The following SZT2 variants were observed in gnomAD, a reference collection of about 807,000 sequenced individuals.
SZT2 encodes the protein KICSTOR complex protein SZT2.
SZT2 carries 216 observed loss-of-function variants against 404.2 expected under a neutral mutation model. The ratio of observed to expected loss-of-function variants is 0.53; its 90% CI spans 0.48 to 0.60. The LOEUF (loss-of-function observed/expected upper bound fraction) is 0.60, where lower values mean the gene tolerates loss of function less well. Among genes scored for constraint, SZT2 ranks in the 20% least tolerant of loss-of-function variants. The probability of loss-of-function intolerance (pLI) is 0.00; values close to 1 mark genes in which losing one functional copy is unlikely to be tolerated. For synonymous variants in SZT2, 1,693 were observed against 1,749.9 expected (o/e 0.97, Z 0.81); for missense variants, 3,857 against 4,459.2 (o/e 0.86, Z 3.85).
intron 62 of SZT2, chr1:43,445,690 G>A (rs1655579398): frequency 1.6e-6 from 1 of 623,220 alleles, no homozygotes; most frequent in Non-Finnish European, 2.9e-6. Context: ...TGCCTCCCTT[G>A]AAGCAGCAGC....
chr1:43,446,661 T>G, intron 65 of SZT2: 1 of 626,732 alleles, frequency 1.6e-6, no homozygotes, highest in East Asian at 2.7e-5. Context: ...CAGTGCCTGG[T>G]CTGGCCTGTA....
chr1:43,439,851 CA>C lies in SZT2; in HGVS notation c.7043-29del. ...TGGTGAGTAGAGTGGGATCTAGGGA[CA>C]CCCTCAAGTGTCCCTGTTCTCCTTC... On this transcript the variant is annotated intron_variant, in intron 50 of 71. Transcript: ENST00000634258. This position sits in a 1 kb window ranked among gnomAD's most constrained non-coding sequence, Gnocchi z 4.2. 1 of 1,570,654 alleles carries C rather than the reference CA, an allele frequency of 6.4e-7. No homozygotes were observed. The highest frequency in any genetic ancestry group is 8.6e-7 in the Non-Finnish European group (1 of 1,157,812).
Position 43,404,568 on chromosome 1 carries a change from C to CA in SZT2, c.498+20dup. On this transcript the variant is annotated intron_variant, in intron 4 of 71. Transcript: ENST00000634258. The stretch of plus-strand genomic sequence containing the variant: ...CCCACCAGGTATTGCATCATCTCTC[C>CA]AAGTTTGTACCCTCAGACCAAATTT... 1 of 1,604,786 alleles carries CA rather than the reference C, an allele frequency of 6.2e-7. No individual in the cohort carries two copies. Among genetic ancestry groups the CA allele is most frequent in the Non-Finnish European group, 8.5e-7 (1 of 1,173,928 alleles).
At chr1:43,440,177 T>A in intron 51 of SZT2, 129 bp downstream of exon 51, 1 of 1,321,332 alleles carries the variant, frequency 7.6e-7, no homozygotes, top group Non-Finnish European at 1.0e-6. Flanking sequence ...CAGAACCACT[T>A]ATTCACAGTT....
At chr1:43,406,114 G>A (rs914881355) in intron 4 of SZT2, among the ~76,000 whole-genome samples, 1 of 152,154 alleles carries the variant, frequency 6.6e-6, no homozygotes, top group African/African-American at 2.4e-5. Flanking sequence ...TTGAGACAGA[G>A]TCTTGCTCTG....
At chr1:43,390,659 T>G (rs1325009826) in intron 1 of SZT2, among the ~76,000 whole-genome samples, 1 of 152,246 alleles carries the variant, frequency 6.6e-6, no homozygotes, top group Non-Finnish European at 1.5e-5. Flanking sequence ...ATATGTTGTG[T>G]CATTCAGACT....
chr1:43,426,511 G>T lies in SZT2; in HGVS notation c.3187G>T (p.Val1063Leu), dbSNP rs369627050. 96 of 1,591,584 alleles carry T rather than the reference G, an allele frequency of 6.0e-5. 3 individuals are homozygous for T. The East Asian group carries it at 7.4e-4, about 12-fold the overall frequency. ...TGACCAGGCTGCCTTCTTGAGTGAG[G>T]TGCTGCGGCGGACCTGCCACGTTCC... Reference protein sequence around the residue: ...PVDQAAFLSEVLRRTCHVPGA... With the variant: ...PVDQAAFLSELLRRTCHVPGA... The change falls in exon 22 of 72, where the codon GTG becomes TTG. Residue 1063 changes from valine to leucine, a missense_variant. By Grantham distance (32) the Val-to-Leu change is conservative (BLOSUM62 1). Coordinates refer to ENST00000634258, the MANE Select transcript of SZT2 (RefSeq NM_001365999.1). The surrounding 1 kb of genome is among the most constrained non-coding windows in gnomAD (Gnocchi z 4.9).
rs758209809 is a variant in SZT2, at chr1:43,426,019, T to C, written c.2930-19T>C. 5.0e-6 allele frequency: 8 copies of C among 1,613,676 alleles called. No individual in the cohort carries two copies. Among genetic ancestry groups the C allele is most frequent in the East Asian group, 2.2e-5 (1 of 44,868 alleles). Reference sequence around the variant, plus strand: ...GGGTAATCTGCGTCTCACTGTGTCCTGTCCTTCCTCCCTCGTAGGATTGGA... The same window carrying C: ...GGGTAATCTGCGTCTCACTGTGTCCCGTCCTTCCTCCCTCGTAGGATTGGA... On this transcript the variant is annotated intron_variant, in intron 20 of 71. Transcript: ENST00000634258. The surrounding 1 kb of genome is among the most constrained non-coding windows in gnomAD (Gnocchi z 4.9).
Position 43,442,690 on chromosome 1 carries a change from A to AGCCAGAAAGATGGGACAGACTGAGG in SZT2, c.8151+75_8151+99dup. On this transcript the variant is annotated intron_variant, in intron 58 of 71. Transcript: ENST00000634258. The surrounding 1 kb of genome is among the most constrained non-coding windows in gnomAD (Gnocchi z 4.5). ...CAGTTAAAGGAAAAACCAGCTCAGA[A>AGCCAGAAAGATGGGACAGACTGAGG]GCCAGAAAGATGGGACAGACTGAGG... 1 of 1,535,124 alleles carries AGCCAGAAAGATGGGACAGACTGAGG rather than the reference A, an allele frequency of 6.5e-7. No homozygotes were observed. Among genetic ancestry groups the AGCCAGAAAGATGGGACAGACTGAGG allele is most frequent in the African/African-American group, 1.4e-5 (1 of 73,020 alleles).
Position 43,433,165 on chromosome 1 carries a change from C to T in SZT2, c.5779C>T (p.Arg1927Cys), listed in dbSNP as rs370833658. 77 of 1,613,820 alleles carry T rather than the reference C, an allele frequency of 4.8e-5. 1 individual carries two copies. Among genetic ancestry groups the T allele is most frequent in the South Asian group, 3.2e-4 (29 of 91,068 alleles). The change falls in exon 40 of 72, where the codon CGT becomes TGT. Residue 1927 changes from arginine to cysteine, a missense_variant. This residue lies in a region of SZT2 where 1,725 missense variants were observed against 1,881.0 expected (regional missense o/e 0.92). Coordinates refer to ENST00000634258, the MANE Select transcript of SZT2 (RefSeq NM_001365999.1). Reference protein sequence around the residue: ...FWLIVRVLQDRVEVYAHARSL... With the variant: ...FWLIVRVLQDCVEVYAHARSL... ...GCTCATTGTCCGGGTCCTGCAGGAC[C>T]GTGTGGAAGTGTATGCACATGCACG...
chr1:43,437,954 T>A lies in SZT2; in HGVS notation c.6508+52T>A. The A allele has an allele frequency of 1.9e-6, 3 of 1,558,598 alleles. No individual in the cohort carries two copies. Among genetic ancestry groups the A allele is most frequent in the Non-Finnish European group, 2.7e-6 (3 of 1,130,668 alleles). On this transcript the variant is annotated intron_variant, in intron 46 of 71. Coordinates refer to ENST00000634258, the MANE Select transcript of SZT2 (RefSeq NM_001365999.1). The surrounding 1 kb of genome is among the most constrained non-coding windows in gnomAD (Gnocchi z 5.3). ...GTCGCCACATGAGGTTCCAGAATCC[T>A]CTGGGACTTCTCTTAGAACCTTGCA...
In SZT2 at chr1:43,441,063, C is replaced by A; in HGVS notation, c.7345-151C>A. The A allele has an allele frequency of 2.1e-6, 2 of 943,696 alleles. No individual in the cohort carries two copies. Among genetic ancestry groups the A allele is most frequent in the South Asian group, 1.7e-5 (1 of 58,648 alleles). The allele number at this position is 943,696 out of a possible 1,614,324, so 58.5% of individuals were successfully genotyped here. A position where few individuals can be genotyped will look rare whatever the true frequency, so the allele number is the denominator to read the frequency against. On this transcript the variant is annotated intron_variant, in intron 52 of 71. Transcript: ENST00000634258. This position sits in a 1 kb window ranked among gnomAD's most constrained non-coding sequence, Gnocchi z 4.8. ...GGTGAGGCTCAGGAAAGTTAGGTAACCTGCCCAAGGCTCCTTAGCCAGCCC... is the reference window on the plus strand; with the variant it reads ...GGTGAGGCTCAGGAAAGTTAGGTAAACTGCCCAAGGCTCCTTAGCCAGCCC...
rs1186072606 is a variant in SZT2 at position 43,452,361 on chromosome 1, T to C, written c.*1881T>C. ...CTGGAGGCCTTGCCTCCCTTGGCTCTCTCTGCACCTCTTCCAGGATTCCCT... is the reference window on the plus strand; with the variant it reads ...CTGGAGGCCTTGCCTCCCTTGGCTCCCTCTGCACCTCTTCCAGGATTCCCT... On this transcript the variant is annotated 3_prime_UTR_variant, in exon 72 of 72. Coordinates refer to ENST00000634258, the MANE Select transcript of SZT2 (RefSeq NM_001365999.1). The C allele has an allele frequency of 6.9e-7, 1 of 1,458,440 alleles. No homozygotes were observed. The allele number at this position is 1,458,440 out of a possible 1,614,324, so 90.3% of individuals were successfully genotyped here.
chr1:43,429,723 G>A lies in SZT2; in HGVS notation c.4187G>A (p.Ser1396Asn), dbSNP rs1557564323. ...TTCAGCATAGAGACCGAGGACCTAAGCGAGCCTGAGTTTCAGAGCACCCGT... is the reference window on the plus strand; with the variant it reads ...TTCAGCATAGAGACCGAGGACCTAAACGAGCCTGAGTTTCAGAGCACCCGT... ...SESSIETEDL[S>N]EPEFQSTRVP... Residue 1396 changes from serine to asparagine, a missense_variant, in exon 29 of 72, where the codon AGC becomes AAC. Ser to Asn is a conservative substitution (Grantham distance 46, BLOSUM62 1). Coordinates refer to ENST00000634258, the MANE Select transcript of SZT2 (RefSeq NM_001365999.1). 2 of 1,614,184 alleles carry A rather than the reference G, an allele frequency of 1.2e-6. No individual in the cohort carries two copies. The highest frequency in any genetic ancestry group is 8.5e-7 in the Non-Finnish European group (1 of 1,180,032).
rs1407722143 is a variant in SZT2, at chr1:43,430,348, G to A, written c.4439G>A (p.Ser1480Asn). 4 of 1,610,528 alleles carry A rather than the reference G, an allele frequency of 2.5e-6. No homozygotes were observed. The highest frequency in any genetic ancestry group is 3.4e-6 in the Non-Finnish European group (4 of 1,179,086). The change falls in exon 31 of 72, where the codon AGT becomes AAT. Residue 1480 changes from serine (S) to asparagine (N), a missense_variant. Ser to Asn is a conservative substitution (Grantham distance 46). Coordinates refer to ENST00000634258, the MANE Select transcript of SZT2 (RefSeq NM_001365999.1). ...CGGGACACAGTAGACAGAAAAATCA[G>A]TGACCTGGAGTTTTCAGAGGCTGAG... ...GPRDTVDRKISDLEFSEAELM... is the reference protein window; with the variant it reads ...GPRDTVDRKINDLEFSEAELM...
At position 43,422,647 on chromosome 1, in the gene SZT2, G is replaced by A; in HGVS notation, c.1922+15G>A. ...CTGCTCTCCAGGTGGGCAAAGTGAT[G>A]TCCCTTCACCCCCCGCCCCCCCACC... is the stretch of plus-strand genomic sequence containing the variant. On this transcript the variant is annotated intron_variant, in intron 13 of 71. Transcript: ENST00000634258. The A allele has an allele frequency of 1.3e-6, 2 of 1,545,556 alleles. No homozygotes were observed. Among genetic ancestry groups the A allele is most frequent in the South Asian group, 1.2e-5 (1 of 83,660 alleles).
intron 28 of SZT2, chr1:43,429,337 A>C (rs1570662634): frequency 4.7e-6 from 1 of 210,860 alleles, no homozygotes; most frequent in Non-Finnish European, 9.8e-6. Flanking sequence ...GTTCAAGACC[A>C]GCCTGAGCAA....
chr1:43,402,650 T>C (rs1317063755), intron 1 of SZT2, among the ~76,000 whole-genome samples: 1 of 152,196 alleles, frequency 6.6e-6, no homozygotes, highest in Non-Finnish European at 1.5e-5. Flanking sequence ...ACTAGAGGGC[T>C]GACAACTGAG....
Position 43,424,883 on chromosome 1 carries a change from C to T in SZT2, c.2550+21C>T. ...TTCAGGTACGTGCCATCCCCCATGA[C>T]ACCTCCCTGCCAAGGTCTGTCATAA... On this transcript the variant is annotated intron_variant, in intron 17 of 71. Transcript: ENST00000634258. The surrounding 1 kb of genome is among the most constrained non-coding windows in gnomAD (Gnocchi z 4.1). 3.7e-6 allele frequency: 6 copies of T among 1,610,536 alleles called. No individual in the cohort carries two copies. The highest frequency in any genetic ancestry group is 5.1e-6 in the Non-Finnish European group (6 of 1,176,818).
Sources: allele counts gnomAD v4.1 joint callset (sites outside exome capture counted in the v4.1 genomes callset), GRCh38; gene constraint gnomAD v4.1.1; regional missense constraint gnomAD v4.1.1; non-coding constraint Gnocchi (gnomAD v3.1); transcripts MANE v1.5; gene names NCBI Gene and HGNC (gene_info 2026-07-23, HGNC 2026-07-21).